The following KCNQ3 variants were observed in gnomAD, a reference collection of about 807,000 sequenced individuals.
The protein encoded by KCNQ3 is potassium voltage-gated channel subfamily KQT member 3.
KCNQ3 carries 30 observed loss-of-function variants against 92.5 expected under a neutral mutation model. The ratio of observed to expected loss-of-function variants is 0.32; its 90% CI spans 0.24 to 0.44. The LOEUF (loss-of-function observed/expected upper bound fraction) is 0.44, where lower values mean the gene tolerates loss of function less well. Among genes scored for constraint, KCNQ3 ranks in the 20% least tolerant of loss-of-function variants. The pLI is 1.00. For missense variants in KCNQ3, 913 were observed against 1,140.3 expected, an observed-to-expected ratio of 0.80 and a Z score of 2.87; for synonymous variants, 450 against 468.8, an observed-to-expected ratio of 0.96 and a Z score of 0.52.
chr8:132,336,055 C>T (rs2130673032), intron 1 of KCNQ3, among the ~76,000 whole-genome samples: 1 of 152,286 alleles, frequency 6.6e-6, no homozygotes, highest in South Asian at 2.1e-4. Context: ...GGCTTTTTAG[C>T]AGCAGTGGGA....
intron 9 of KCNQ3, among the ~76,000 whole-genome samples, chr8:132,157,547 G>A (rs1825839549): frequency 6.6e-6 from 1 of 152,210 alleles, no homozygotes; most frequent in Admixed American, 6.5e-5. Flanking sequence ...CTGGGAGAGT[G>A]TCTGCTCTGT....
chr8:132,443,766 C>T (rs564032504), intron 1 of KCNQ3, among the ~76,000 whole-genome samples: 8 of 147,830 alleles, frequency 5.4e-5, no homozygotes, highest in Non-Finnish European at 7.5e-5. Context: ...TAGATTTCTA[C>T]GGGGTGAGTT....
chr8:132,429,300 T>C (rs558388646), intron 1 of KCNQ3, among the ~76,000 whole-genome samples: 1 of 152,262 alleles, frequency 6.6e-6, no homozygotes, highest in African/African-American at 2.4e-5. Flanking sequence ...CTCCCATACA[T>C]GTGCACTGAA....
intron 1 of KCNQ3, chr8:132,187,256 C>T (rs1469952475): frequency 2.2e-6 from 1 of 456,020 alleles, no homozygotes; most frequent in East Asian, 7.0e-5. Context: ...AGACGTTGCG[C>T]ATACAGAGCT....
intron 1 of KCNQ3, among the ~76,000 whole-genome samples, chr8:132,462,817 G>A (rs1322261264): frequency 6.6e-6 from 1 of 152,154 alleles, no homozygotes; most frequent in Non-Finnish European, 1.5e-5. Flanking sequence ...AGGTCAATAA[G>A]GAATAGAAAG....
intron 1 of KCNQ3, among the ~76,000 whole-genome samples, chr8:132,324,332 C>T (rs992032371): frequency 3.3e-5 from 5 of 152,148 alleles, no homozygotes; most frequent in Admixed American, 2.0e-4. Context: ...TTATTGAGAC[C>T]AGGGACCCTA....
intron 12 of KCNQ3, among the ~76,000 whole-genome samples, chr8:132,137,119 C>CCTTG (rs1825128236): frequency 6.6e-6 from 1 of 151,876 alleles, no homozygotes; most frequent in African/African-American, 2.4e-5. Context: ...GATCCACCTG[C>CCTTG]CTTGGCCTCC....
At chr8:132,188,159 C>G (rs1010575283) in intron 1 of KCNQ3, among the ~76,000 whole-genome samples, 4 of 152,172 alleles carry the variant, frequency 2.6e-5, no homozygotes, top group African/African-American at 7.2e-5. Context: ...AGCTCATTGA[C>G]TTGGCAGATC....
intron 1 of KCNQ3, among the ~76,000 whole-genome samples, chr8:132,259,473 A>C (rs950771409): frequency 6.6e-6 from 1 of 152,156 alleles, no homozygotes; most frequent in Non-Finnish European, 1.5e-5. Context: ...AATACTCAAC[A>C]AATTAGAAAT....
At chr8:132,136,261 C>T (rs999272846) in intron 12 of KCNQ3, among the ~76,000 whole-genome samples, 1 of 151,568 alleles carries the variant, frequency 6.6e-6, no homozygotes, top group Non-Finnish European at 1.5e-5. Flanking sequence ...AGTGGGACAA[C>T]ATCACTCGGA....
intron 9 of KCNQ3, among the ~76,000 whole-genome samples, chr8:132,144,524 G>A (rs904846602): frequency 1.3e-5 from 2 of 152,146 alleles, no homozygotes; most frequent in Non-Finnish European, 2.9e-5. Flanking sequence ...CGAAAGCTAG[G>A]GCTCTTGACA....
intron 1 of KCNQ3, among the ~76,000 whole-genome samples, chr8:132,212,007 G>A (rs202157896): frequency 5.3e-5 from 8 of 150,876 alleles, no homozygotes; most frequent in East Asian, 3.9e-4. Flanking sequence ...CCCAAGCCAC[G>A]GCTAATAATT....
intron 1 of KCNQ3, among the ~76,000 whole-genome samples, chr8:132,318,154 C>T (rs1337274665): frequency 6.6e-6 from 1 of 152,152 alleles, no homozygotes; most frequent in East Asian, 1.9e-4. Flanking sequence ...GTATGGTAAC[C>T]TATTTATGAG....
intron 1 of KCNQ3, among the ~76,000 whole-genome samples, chr8:132,385,789 C>CA (rs1408611037): frequency 2.0e-5 from 3 of 150,566 alleles, no homozygotes; most frequent in Non-Finnish European, 3.0e-5. Flanking sequence ...GAGCCCCTAG[C>CA]AAAAAACAAA....
In KCNQ3 at chr8:132,480,540, G is replaced by T. The variant is rs983402065; in HGVS notation, c.-8C>A. The T allele has an allele frequency of 1.0e-5, 13 of 1,245,346 alleles. No individual in the cohort carries two copies. The African/African-American group carries it at 2.1e-4, about 20-fold the overall frequency. 77.1% of individuals were successfully genotyped at this position (1,245,346 alleles called of 1,614,324 possible). On this transcript the variant is annotated 5_prime_UTR_variant, in exon 1 of 15. Transcript: ENST00000388996. Reference sequence around the variant, plus strand: ...GCGCGCCTTGAGCCCCATCTGCCTCGCCCCCGCCGGCCGCTTCGCCTTCTC... The same window carrying T: ...GCGCGCCTTGAGCCCCATCTGCCTCTCCCCCGCCGGCCGCTTCGCCTTCTC...
intron 1 of KCNQ3, among the ~76,000 whole-genome samples, chr8:132,406,135 G>A (rs1168022456): frequency 7.2e-5 from 11 of 152,172 alleles, no homozygotes; most frequent in Non-Finnish European, 1.3e-4. Flanking sequence ...ATAGAAAGAA[G>A]GGTGTCGTTT....
At chr8:132,380,732 A>G (rs1819725194) in intron 1 of KCNQ3, among the ~76,000 whole-genome samples, 1 of 151,710 alleles carries the variant, frequency 6.6e-6, no homozygotes, top group Non-Finnish European at 1.5e-5. Flanking sequence ...TGCCCAGAGA[A>G]AAACCATCAG....
chr8:132,294,204 T>C (rs924924919), intron 1 of KCNQ3, among the ~76,000 whole-genome samples: 1 of 152,210 alleles, frequency 6.6e-6, no homozygotes, highest in Middle Eastern at 3.4e-3. Context: ...GGTTTCACCG[T>C]GTTAGCCAGG....
intron 9 of KCNQ3, among the ~76,000 whole-genome samples, chr8:132,154,723 T>C (rs569663440): frequency 1.3e-5 from 2 of 152,308 alleles, no homozygotes; most frequent in South Asian, 2.1e-4. Context: ...AACTGAGAGA[T>C]GGAAACCTGT....
Sources: gnomAD v4.1 joint callset for allele counts (sites outside exome capture counted in the v4.1 genomes callset) on GRCh38, gnomAD v4.1.1 for gene constraint, MANE v1.5 for transcripts, NCBI Gene and HGNC (gene_info 2026-07-23, HGNC 2026-07-21) for gene names.